Variants in PRKN observed in about 807,000 individuals in gnomAD.
PRKN encodes the protein parkin RBR E3 ubiquitin protein ligase.
In PRKN, 56 loss-of-function variants were observed where a neutral mutation model predicts 59.5. The observed-to-expected ratio is 0.94, with a 90% CI of 0.76 to 1.18. PRKN has a LOEUF of 1.18. PRKN is among the 50% of genes most tolerant of loss of function. PRKN has a pLI of 0.00. For missense variants in PRKN, 657 were observed against 596.4 expected, an observed-to-expected ratio of 1.10 and a Z score of -1.06; for synonymous variants, 250 against 222.1, an observed-to-expected ratio of 1.13 and a Z score of -1.12.
intron 3 of PRKN, among the ~76,000 whole-genome samples, chr6:162,259,393 T>C (rs1779790392): frequency 6.6e-6 from 1 of 152,150 alleles, no homozygotes; most frequent in Non-Finnish European, 1.5e-5. Context: ...TTGGGGCCTC[T>C]ACCCCCAGAC....
chr6:162,391,357 T>C (rs971300842), intron 2 of PRKN, among the ~76,000 whole-genome samples: 1 of 150,528 alleles, frequency 6.6e-6, no homozygotes, highest in Non-Finnish European at 1.5e-5. Context: ...GACTTCCTCC[T>C]GGAAGATAAT....
chr6:162,722,484 T>G (rs918958350), intron 1 of PRKN, among the ~76,000 whole-genome samples: 19 of 152,150 alleles, frequency 1.2e-4, no homozygotes, highest in Admixed American at 2.6e-4. Flanking sequence ...TTCAGATTAC[T>G]ACGAAGAAAC....
At chr6:162,189,542 T>C (rs905385974) in intron 4 of PRKN, among the ~76,000 whole-genome samples, 4 of 151,264 alleles carry the variant, frequency 2.6e-5, no homozygotes, top group African/African-American at 4.9e-5. Context: ...ATAATAATAG[T>C]AATAAGAATA....
At chr6:162,634,435 CCTGTT>C (rs1777632488) in intron 1 of PRKN, among the ~76,000 whole-genome samples, 1 of 152,088 alleles carries the variant, frequency 6.6e-6, no homozygotes, top group African/African-American at 2.4e-5. Context: ...TAGGAAGCTC[CCTGTT>C]CTGCTGTTTC....
At chr6:161,516,552 G>T (rs1192706256) in intron 9 of PRKN, among the ~76,000 whole-genome samples, 1 of 149,708 alleles carries the variant, frequency 6.7e-6, no homozygotes, top group African/African-American at 2.5e-5. Flanking sequence ...AGTGGGCTAG[G>T]TATGGTGGCT....
intron 5 of PRKN, among the ~76,000 whole-genome samples, chr6:161,974,385 A>G (rs1356635809): frequency 6.6e-6 from 1 of 152,130 alleles, no homozygotes; most frequent in South Asian, 2.1e-4. Context: ...GAATGCTCCA[A>G]TCCAGTATCT....
At chr6:162,417,254 C>T (rs143910085) in intron 2 of PRKN, among the ~76,000 whole-genome samples, 3 of 152,280 alleles carry the variant, frequency 2.0e-5, no homozygotes, top group Middle Eastern at 6.8e-3. Context: ...AGGAAACATG[C>T]CAAATTCTAA....
intron 7 of PRKN, among the ~76,000 whole-genome samples, chr6:161,678,344 C>T (rs1374201434): frequency 6.9e-6 from 1 of 145,352 alleles, no homozygotes; most frequent in Admixed American, 7.1e-5. Flanking sequence ...CTCTGAGGCT[C>T]TTCATTTTCT....
intron 2 of PRKN, among the ~76,000 whole-genome samples, chr6:162,304,071 C>T (rs1475001434): frequency 1.2e-5 from 1 of 86,742 alleles, no homozygotes; most frequent in Admixed American, 1.5e-4. Context: ...ATATCATTAC[C>T]TCTGTGAAGG....
At chr6:162,175,378 C>T (rs1483057543) in intron 4 of PRKN, among the ~76,000 whole-genome samples, 2 of 152,180 alleles carry the variant, frequency 1.3e-5, no homozygotes, top group African/African-American at 4.8e-5. Context: ...CCAGCACCAC[C>T]TACAACACTG....
At chr6:162,607,137 G>A (rs1399102540) in intron 1 of PRKN, among the ~76,000 whole-genome samples, 1 of 152,162 alleles carries the variant, frequency 6.6e-6, no homozygotes, top group Non-Finnish European at 1.5e-5. Flanking sequence ...ACATCCAAAT[G>A]TAGAAGTCAC....
intron 7 of PRKN, among the ~76,000 whole-genome samples, chr6:161,716,283 G>A (rs146475715): frequency 5.3e-5 from 8 of 152,200 alleles, no homozygotes; most frequent in Non-Finnish European, 1.2e-4. Context: ...AGGAACTAGA[G>A]GCATTTTCTG....
rs188747398 is a variant in PRKN at position 161,968,319 on chromosome 6, G to C, written c.734+4983C>G. Among the ~76,000 whole-genome samples the C allele has an allele frequency of 4.8e-3, 729 of 151,758 alleles. 8 individuals carry two copies. The highest frequency in any genetic ancestry group is 0.017 in the African/African-American group (712 of 41,364). The stretch of plus-strand genomic sequence containing the variant: ...CTCCCAAAGTGCTGGGATTACAGGC[G>C]TGACTCACCATGCCCAGCCTCAGTG... On this transcript the variant is annotated intron_variant, in intron 6 of 11. Coordinates refer to ENST00000366898, the MANE Select transcript of PRKN (RefSeq NM_004562.3).
intron 3 of PRKN, among the ~76,000 whole-genome samples, chr6:162,252,505 T>TG (rs1779475322): frequency 6.6e-6 from 1 of 152,208 alleles, no homozygotes; most frequent in Admixed American, 6.5e-5. Flanking sequence ...TGAAACCTAA[T>TG]CACCAATGTG....
chr6:161,675,321 G>T (rs971034318), intron 7 of PRKN, among the ~76,000 whole-genome samples: 3 of 152,094 alleles, frequency 2.0e-5, no homozygotes, highest in Non-Finnish European at 4.4e-5. Context: ...GGTCACATAA[G>T]GTATCATGTC....
chr6:162,011,135 T>TATTTTA (rs1262818796), intron 5 of PRKN, among the ~76,000 whole-genome samples: 2 of 524 alleles, frequency 3.8e-3, no homozygotes, highest in African/African-American at 8.8e-3. Context: ...TAATATATAA[T>TATTTTA]TATAATATAT....
At chr6:161,350,317 A>C in intron 11 of PRKN, 106 bp from the exon 12 acceptor site, 2 of 749,166 alleles carry the variant, frequency 2.7e-6, no homozygotes, top group Non-Finnish European at 4.7e-6. Flanking sequence ...CTGAGCGAAT[A>C]ATCACAAGCA....
At chr6:161,455,656 G>A (rs1789934971) in intron 9 of PRKN, among the ~76,000 whole-genome samples, 2 of 151,986 alleles carry the variant, frequency 1.3e-5, no homozygotes, top group South Asian at 4.1e-4. Flanking sequence ...ACAAGGTCAG[G>A]AGACCGAGAC....
In PRKN at chr6:161,691,006, C is replaced by T. The variant is rs375386518; in HGVS notation, c.871+94766G>A. 7.3e-5 allele frequency among the ~76,000 whole-genome samples: 11 copies of T among 150,624 alleles called. No individual in the cohort carries two copies. The East Asian group carries it at 9.8e-4, about 13-fold the overall frequency. On this transcript the variant is annotated intron_variant, in intron 7 of 11. Transcript: ENST00000366898. ...CCATCCATCCATCCATCCATCCATCCAACCATCCGTCCATCCATCCGTCCT... is the reference window on the plus strand; with the variant it reads ...CCATCCATCCATCCATCCATCCATCTAACCATCCGTCCATCCATCCGTCCT...
Sources: gnomAD v4.1 joint callset for allele counts (sites outside exome capture counted in the v4.1 genomes callset) on GRCh38, gnomAD v4.1.1 for gene constraint, MANE v1.5 for transcripts, NCBI Gene and HGNC (gene_info 2026-07-23, HGNC 2026-07-21) for gene names.